SENP6: variants seen among roughly 807,000 people sequenced by gnomAD.
The protein encoded by SENP6 is sentrin-specific protease 6.
SENP6 carries 41 observed loss-of-function variants against 134.5 expected under a neutral mutation model. The ratio of observed to expected loss-of-function variants is 0.30; its 90% confidence interval spans 0.24 to 0.40. The LOEUF (loss-of-function observed/expected upper bound fraction) is 0.40. Among genes scored for constraint, SENP6 ranks in the 10% least tolerant of loss-of-function variants. The pLI, the probability that SENP6 is intolerant of heterozygous loss-of-function variation, is 1.00. For synonymous variants in SENP6, 395 were observed against 429.8 expected, an observed-to-expected ratio of 0.92 and a Z score of 1.00; for missense variants, 1,248 against 1,312.5, an observed-to-expected ratio of 0.95 and a Z score of 0.76.
chr6:75,700,930 A>T (rs538106195), intron 18 of SENP6, among the ~76,000 whole-genome samples: 1 of 152,226 alleles, frequency 6.6e-6, no homozygotes, highest in Admixed American at 6.5e-5. Flanking sequence ...ATCTAAATCC[A>T]TAGGGTACTA....
At chr6:75,662,720 T>C (rs996331707) in intron 8 of SENP6, among the ~76,000 whole-genome samples, 1 of 152,208 alleles carries the variant, frequency 6.6e-6, no homozygotes, top group Non-Finnish European at 1.5e-5. Flanking sequence ...CTGTTCATAT[T>C]TTAATATTGG....
chr6:75,683,073 T>A (rs1171277480), intron 16 of SENP6, among the ~76,000 whole-genome samples: 1 of 152,228 alleles, frequency 6.6e-6, no homozygotes, highest in Admixed American at 6.5e-5. Flanking sequence ...ATCTGTTGTT[T>A]CCTGACTTTT....
At chr6:75,652,864 C>T (rs1233253496) in intron 7 of SENP6, among the ~76,000 whole-genome samples, 1 of 152,014 alleles carries the variant, frequency 6.6e-6, no homozygotes, top group Non-Finnish European at 1.5e-5. Context: ...TTCTTCATAA[C>T]TGGTGAGATA....
chr6:75,685,638 G>T (rs1391006715), intron 16 of SENP6, among the ~76,000 whole-genome samples: 1 of 152,110 alleles, frequency 6.6e-6, no homozygotes, highest in African/African-American at 2.4e-5. Flanking sequence ...CTTTATTTCT[G>T]TCTTCATTTC....
intron 3 of SENP6, among the ~76,000 whole-genome samples, chr6:75,627,701 A>G (rs926942456): frequency 2.0e-5 from 3 of 151,954 alleles, no homozygotes; most frequent in Non-Finnish European, 4.4e-5. Flanking sequence ...TTTTTGAGAC[A>G]GTCTTGCTCT....
intron 1 of SENP6, among the ~76,000 whole-genome samples, chr6:75,617,594 A>G (rs1767960885): frequency 6.6e-6 from 1 of 152,104 alleles, no homozygotes; most frequent in East Asian, 1.9e-4. Context: ...GAGAACTTCT[A>G]TATAACTTTT....
At chr6:75,674,585 C>T (rs1412336169) in intron 11 of SENP6, among the ~76,000 whole-genome samples, 5 of 152,124 alleles carry the variant, frequency 3.3e-5, no homozygotes, top group Non-Finnish European at 7.4e-5. Context: ...GCTGGGATAA[C>T]AGTTAAAAGC....
At chr6:75,694,775 CA>C (rs1774538990) in intron 16 of SENP6, among the ~76,000 whole-genome samples, 1 of 151,968 alleles carries the variant, frequency 6.6e-6, no homozygotes, top group African/African-American at 2.4e-5. Context: ...TTCCATTTGT[CA>C]GTTGGTTAGC....
intron 12 of SENP6, 22 bp from the exon 13 acceptor site, chr6:75,675,838 C>T (rs1773045566): frequency 6.5e-7 from 1 of 1,548,754 alleles, no homozygotes; most frequent in Non-Finnish European, 8.7e-7. Context: ...ATTATTTTTC[C>T]ATTTCATTTG....
chr6:75,691,816 G>A lies in SENP6; in HGVS notation c.2076-3988G>A, dbSNP rs544667736. ...TCACCGTGTTAGCCAGGATGGTCTC[G>A]ATCTCCTGACCTCGTGATCCGCCCG... On this transcript the variant is annotated intron_variant, in intron 16 of 23. Transcript: ENST00000447266. Among the ~76,000 whole-genome samples, 23 of 151,902 alleles carry A rather than the reference G, an allele frequency of 1.5e-4. No homozygotes were observed. In the East Asian group the frequency reaches 3.1e-3, roughly 21 times the overall value.
chr6:75,647,847 G>C, intron 7 of SENP6, 46 bp downstream of exon 7: 1 of 1,407,562 alleles, frequency 7.1e-7, no homozygotes, highest in Non-Finnish European at 1.0e-6. Flanking sequence ...TCAAATTGCT[G>C]TATGAAAAGT....
Position 75,663,399 on chromosome 6 carries a change from A to G in SENP6, c.875A>G (p.Asp292Gly). ...KVPIDIIVNC[D>G]DSKHTYLQTN... ...CCAATTGATATTATTGTGAATTGTG[A>G]TGACAGTAAACACACTTATTTACAG... The change falls in exon 9 of 24, where the codon GAT becomes GGT. Residue 292 changes from aspartate to glycine, a missense_variant. Around this residue, in one of 3 missense-constraint regions of SENP6, gnomAD observed 733 missense variants for 725.4 expected, o/e 1.01. Transcript: ENST00000447266. 1 of 1,613,792 alleles carries G rather than the reference A, an allele frequency of 6.2e-7. No homozygotes were observed. Among genetic ancestry groups the G allele is most frequent in the Non-Finnish European group, 8.5e-7 (1 of 1,179,812 alleles).
intron 18 of SENP6, among the ~76,000 whole-genome samples, chr6:75,701,481 GATAA>G (rs1347240163): frequency 6.6e-6 from 1 of 152,002 alleles, no homozygotes; most frequent in Non-Finnish European, 1.5e-5. Flanking sequence ...TATAGCATGA[GATAA>G]AACATTACTT....
rs529329829 is a variant in SENP6, at chr6:75,658,355, A to G, written c.551-907A>G. Among the ~76,000 whole-genome samples, 3 of 152,212 alleles carry G rather than the reference A, an allele frequency of 2.0e-5. No homozygotes were observed. The South Asian group carries it at 6.2e-4, about 32-fold the overall frequency. On this transcript the variant is annotated intron_variant, in intron 7 of 23. Transcript: ENST00000447266. ...TAATATTGATTTTTATGTCTACATA[A>G]TCTTATTTTTAAAAACCAAATGATA...
intron 13 of SENP6, 147 bp from the exon 14 acceptor site, chr6:75,676,883 G>T: frequency 1.8e-6 from 1 of 568,026 alleles, no homozygotes; most frequent in South Asian, 2.4e-5. Context: ...TGATTGTTGT[G>T]TATCCACTGT....
At chr6:75,662,741 A>G (rs1044207978) in intron 8 of SENP6, among the ~76,000 whole-genome samples, 1 of 152,156 alleles carries the variant, frequency 6.6e-6, no homozygotes. Flanking sequence ...GGATTTTAAT[A>G]GTAGGAATGT....
At chr6:75,699,479 TTTTCTTTTCTTTC>T (rs1774886781) in intron 18 of SENP6, among the ~76,000 whole-genome samples, 1 of 151,800 alleles carries the variant, frequency 6.6e-6, no homozygotes, top group African/African-American at 2.4e-5. Context: ...CCAGTTTTGT[TTTTCTTTTCTTTC>T]TTTCTTTTTT....
intron 7 of SENP6, among the ~76,000 whole-genome samples, chr6:75,655,801 T>C (rs558753980): frequency 6.6e-4 from 100 of 152,328 alleles, no homozygotes; most frequent in African/African-American, 2.3e-3. Context: ...GATCTTTTTT[T>C]AACTTGATTT....
intron 7 of SENP6, chr6:75,655,009 A>G (rs2149856702): frequency 6.6e-6 from 1 of 152,310 alleles, no homozygotes; most frequent in South Asian, 2.1e-4. Flanking sequence ...TAAACACTTC[A>G]GTGGGCATAT....
Sources: gnomAD v4.1 joint callset for allele counts (sites outside exome capture counted in the v4.1 genomes callset) on GRCh38, gnomAD v4.1.1 for gene constraint, gnomAD v4.1.1 regional missense constraint, MANE v1.5 for transcripts, NCBI Gene and HGNC (gene_info 2026-07-23, HGNC 2026-07-21) for gene names.